The following NEGR1 variants were observed in gnomAD, a reference collection of about 807,000 sequenced individuals.
NEGR1 encodes IgLON family member 4.
Under a neutral mutation model 40.9 loss-of-function variants are expected in NEGR1, and 10 were observed. The observed-to-expected ratio is 0.24, with a 90% CI of 0.15 to 0.42. NEGR1 has a LOEUF of 0.42. Among genes scored for constraint, NEGR1 ranks in the 10% least tolerant of loss-of-function variants. The pLI is 1.00. For synonymous variants in NEGR1, 185 were observed against 166.8 expected (o/e 1.11, Z -0.84); for missense variants, 352 against 438.9 (o/e 0.80, Z 1.77).
intron 3 of NEGR1, among the ~76,000 whole-genome samples, chr1:71,759,429 C>A (rs941621230): frequency 3.4e-5 from 5 of 148,862 alleles, no homozygotes; most frequent in African/African-American, 1.2e-4. Context: ...TCCCAAGTTG[C>A]TAGAATTACA....
chr1:72,219,234 T>C (rs1193177757), intron 1 of NEGR1, among the ~76,000 whole-genome samples: 2 of 152,014 alleles, frequency 1.3e-5, no homozygotes, highest in Admixed American at 6.6e-5. Flanking sequence ...CAAAAAATCA[T>C]CTCAAAGCAA....
chr1:71,847,467 T>C (rs1403827340), intron 2 of NEGR1, among the ~76,000 whole-genome samples: 1 of 152,226 alleles, frequency 6.6e-6, no homozygotes, highest in African/African-American at 2.4e-5. Flanking sequence ...GTAGTTCTCA[T>C]AATGTTTTAA....
At chr1:72,236,395 C>T (rs961894660) in intron 1 of NEGR1, among the ~76,000 whole-genome samples, 4 of 151,408 alleles carry the variant, frequency 2.6e-5, no homozygotes, top group East Asian at 1.9e-4. Flanking sequence ...CAAACCTGCG[C>T]GTTCTGCACA....
intron 6 of NEGR1, among the ~76,000 whole-genome samples, chr1:71,435,116 A>AC (rs1427186565): frequency 2.3e-3 from 354 of 151,870 alleles, no homozygotes; most frequent in South Asian, 3.5e-3. Context: ...CAAACAAAAA[A>AC]AAAAAAAAAA....
chr1:72,135,301 G>A (rs1478080221), intron 1 of NEGR1, among the ~76,000 whole-genome samples: 2 of 148,658 alleles, frequency 1.3e-5, no homozygotes, highest in East Asian at 2.0e-4. Context: ...GTGTGAACCC[G>A]GGAGGCGGAG....
At chr1:71,470,641 G>C (rs6668512) in intron 6 of NEGR1, among the ~76,000 whole-genome samples, 113,377 of 151,910 alleles carry the variant, frequency 0.75, 42,743 homozygotes, top group Non-Finnish European at 0.77. Context: ...TTCAACTGTT[G>C]TGTAGTAGGG....
chr1:71,666,454 A>G (rs1469707990), intron 4 of NEGR1, among the ~76,000 whole-genome samples: 1 of 151,952 alleles, frequency 6.6e-6, no homozygotes, highest in African/African-American at 2.4e-5. Flanking sequence ...AGCATTAAAA[A>G]TGAAACATAC....
At position 71,400,990 on chromosome 1, in the gene NEGR1, A is replaced by T. The variant is rs1646243478; in HGVS notation, c.*6456T>A. The T allele has an allele frequency of 6.6e-6, 1 of 152,240 alleles. No homozygotes were observed. Among genetic ancestry groups the T allele is most frequent in the Non-Finnish European group, 1.5e-5 (1 of 68,122 alleles). The allele number at this position is 152,240 out of a possible 1,614,324, so 9.4% of individuals were successfully genotyped here. ...GGAGGTTGCAGTGAGCCAAGATCAC[A>T]CCACTGCACTCCATCCAGGGCAACC... On this transcript the variant is annotated 3_prime_UTR_variant, in exon 7 of 7. Transcript: ENST00000357731.
chr1:71,738,282 G>T, intron 3 of NEGR1: 1 of 243,814 alleles, frequency 4.1e-6, no homozygotes, highest in East Asian at 1.1e-4. Flanking sequence ...ATGTCATCAA[G>T]GCCTTGAGCC....
chr1:71,667,702 A>AATTT (rs1406368979), intron 4 of NEGR1, among the ~76,000 whole-genome samples: 1 of 152,206 alleles, frequency 6.6e-6, no homozygotes, highest in Non-Finnish European at 1.5e-5. Flanking sequence ...TTTACCATTG[A>AATTT]ATTTAGTATA....
chr1:71,944,544 T>G (rs933684158), intron 1 of NEGR1, among the ~76,000 whole-genome samples: 7 of 152,020 alleles, frequency 4.6e-5, no homozygotes, highest in Non-Finnish European at 1.0e-4. Context: ...TTTGCATATA[T>G]TAATAAATAG....
rs145596562 is a variant in NEGR1, at chr1:72,016,359, C to T, written c.177-81048G>A. On this transcript the variant is annotated intron_variant, in intron 1 of 6. Transcript: ENST00000357731. ...AGACAGAGAAGCTAAGGATTAGTGA[C>T]GTTAACTCTTTTAAGGTGGTACAAT... 3.3e-3 allele frequency among the ~76,000 whole-genome samples: 504 copies of T among 152,148 alleles called. 1 individual carries two copies. The highest frequency in any genetic ancestry group is 0.011 in the African/African-American group (457 of 41,514).
chr1:71,737,973 T>G (rs1460597070), intron 3 of NEGR1, among the ~76,000 whole-genome samples: 1 of 152,112 alleles, frequency 6.6e-6, no homozygotes, highest in Admixed American at 6.6e-5. Context: ...GGTACATGAG[T>G]TCAGCTTTCC....
At chr1:71,458,406 T>C (rs1646690172) in intron 6 of NEGR1, among the ~76,000 whole-genome samples, 1 of 152,246 alleles carries the variant, frequency 6.6e-6, no homozygotes, top group African/African-American at 2.4e-5. Flanking sequence ...CTTTGATAAC[T>C]AGCAGAAGGC....
At chr1:71,903,839 A>T (rs142302294) in intron 2 of NEGR1, among the ~76,000 whole-genome samples, 3,220 of 151,554 alleles carry the variant, frequency 0.021, 66 homozygotes, top group South Asian at 0.11. Flanking sequence ...TATATATATA[A>T]AAAATGATGT....
chr1:71,791,018 TAGATAAAATGAACAAGC>T, intron 2 of NEGR1, among the ~76,000 whole-genome samples: 1 of 152,092 alleles, frequency 6.6e-6, no homozygotes, highest in Admixed American at 6.6e-5. Flanking sequence ...AACAAAAATG[TAGATAAAATGAACAAGC>T]CCATTAGAGG....
At chr1:72,169,062 T>C (rs920288840) in intron 1 of NEGR1, among the ~76,000 whole-genome samples, 1 of 152,160 alleles carries the variant, frequency 6.6e-6, no homozygotes, top group African/African-American at 2.4e-5. Context: ...AGAAAGAAGA[T>C]ATAACAATTT....
At chr1:71,874,937 C>T (rs992430107) in intron 2 of NEGR1, among the ~76,000 whole-genome samples, 2 of 151,980 alleles carry the variant, frequency 1.3e-5, no homozygotes, top group African/African-American at 4.8e-5. Flanking sequence ...TCAAACATCC[C>T]AGGCTCAATC....
intron 4 of NEGR1, among the ~76,000 whole-genome samples, chr1:71,618,442 T>G (rs1650510984): frequency 6.6e-6 from 1 of 152,042 alleles, no homozygotes; most frequent in Admixed American, 6.6e-5. Context: ...AAAACCTGCT[T>G]CCATTTCCAA....
Sources: gnomAD v4.1 joint callset for allele counts (sites outside exome capture counted in the v4.1 genomes callset) on GRCh38, gnomAD v4.1.1 for gene constraint, MANE v1.5 for transcripts, NCBI Gene and HGNC (gene_info 2026-07-23, HGNC 2026-07-21) for gene names.